Variants in FMN2 observed in about 807,000 individuals in gnomAD.
The protein encoded by FMN2 is formin 2, also known as formin-2.
FMN2 carries 51 observed loss-of-function variants against 142.3 expected under a neutral mutation model. That is an observed-to-expected ratio of 0.36 (90% confidence interval 0.29 to 0.45). The LOEUF (loss-of-function observed/expected upper bound fraction) is 0.45. FMN2 is among the 20% of genes least tolerant of loss of function. FMN2 has a pLI of 1.00. For synonymous variants in FMN2, 882 were observed against 869.8 expected, an observed-to-expected ratio of 1.01 and a Z score of -0.25; for missense variants, 1,936 against 2,122.8, an observed-to-expected ratio of 0.91 and a Z score of 1.73.
chr1:240,131,102 G>A (rs956550032), intron 2 of FMN2, among the ~76,000 whole-genome samples: 1 of 152,266 alleles, frequency 6.6e-6, no homozygotes, highest in East Asian at 1.9e-4. Context: ...TGCAAGCTTA[G>A]GTAAATGGCT....
chr1:240,093,305 G>T lies in FMN2; in HGVS notation c.1196G>T (p.Gly399Val), dbSNP rs775448402. 12 of 1,607,370 alleles carry T rather than the reference G, an allele frequency of 7.5e-6. No homozygotes were observed. The East Asian group carries it at 2.7e-4, about 37-fold the overall frequency. The change falls in exon 1 of 18, where the codon GGC (glycine) becomes GTC (valine). Residue 399 changes from glycine (G) to valine (V), a missense_variant. Physicochemically the swap from Gly to Val is moderately radical, Grantham distance 109. This residue lies in a region of FMN2 where 751 missense variants were observed against 791.8 expected (regional missense o/e 0.95). Coordinates refer to ENST00000319653, the MANE Select transcript of FMN2 (RefSeq NM_020066.5). ...GCCCCCGCGGCCGCTTCCCTGCCCG[G>T]CAGCCCCGCGCCTAGCCAGCGCTGT... ...PDAPAAASLPGSPAPSQRCFK... is the reference protein window; with the variant it reads ...PDAPAAASLPVSPAPSQRCFK...
chr1:240,232,827 C>T (rs1415279992), intron 6 of FMN2, among the ~76,000 whole-genome samples: 3 of 152,134 alleles, frequency 2.0e-5, no homozygotes, highest in Non-Finnish European at 4.4e-5. Flanking sequence ...GTCTACTATA[C>T]ATTTTTTTTC....
chr1:240,202,700 G>A (rs887762476), intron 4 of FMN2, among the ~76,000 whole-genome samples: 2 of 152,094 alleles, frequency 1.3e-5, no homozygotes, highest in Non-Finnish European at 2.9e-5. Flanking sequence ...CTGGCTTCAA[G>A]TGATCCTCCC....
intron 6 of FMN2, among the ~76,000 whole-genome samples, chr1:240,237,412 G>A (rs1341545668): frequency 6.6e-6 from 1 of 152,160 alleles, no homozygotes; most frequent in African/African-American, 2.4e-5. Context: ...GATTTTAAGT[G>A]TCAAGGTCTT....
intron 6 of FMN2, among the ~76,000 whole-genome samples, chr1:240,254,953 C>T (rs1668401116): frequency 6.6e-6 from 1 of 152,108 alleles, no homozygotes; most frequent in Non-Finnish European, 1.5e-5. Context: ...GAACTCAGTG[C>T]GCGCTCCCTC....
chr1:240,275,560 A>G (rs954208358), intron 7 of FMN2, among the ~76,000 whole-genome samples: 5 of 152,014 alleles, frequency 3.3e-5, no homozygotes, highest in African/African-American at 9.7e-5. Flanking sequence ...ATACCTGTGC[A>G]TGTGTGTTTA....
Position 240,093,030 on chromosome 1 carries a change from C to T in FMN2, c.921C>T (p.Leu307=), listed in dbSNP as rs1177064949. Reference sequence around the variant, plus strand: ...TCCCGGTCTCCGAGGCGCCCAGTCTCCCGGCAGCGCAACCCGCGGCCAAAG... The same window carrying T: ...TCCCGGTCTCCGAGGCGCCCAGTCTTCCGGCAGCGCAACCCGCGGCCAAAG... ...GGLPVSEAPS[L]PAAQPAAKDS... The change falls in exon 1 of 18, where the codon CTC becomes CTT. Residue 307 remains leucine, a synonymous_variant. Coordinates refer to ENST00000319653, the MANE Select transcript of FMN2 (RefSeq NM_020066.5). 7.2e-7 allele frequency: 1 copy of T among 1,394,826 alleles called. No homozygotes were observed. Among genetic ancestry groups the T allele is most frequent in the Admixed American group, 3.5e-5 (1 of 28,218 alleles). The allele number at this position is 1,394,826 out of a possible 1,614,324, so 86.4% of individuals were successfully genotyped here.
chr1:240,164,431 CT>C (rs2103298150), intron 2 of FMN2, among the ~76,000 whole-genome samples: 1 of 152,172 alleles, frequency 6.6e-6, no homozygotes, highest in Non-Finnish European at 1.5e-5. Flanking sequence ...TTCATTTAAT[CT>C]TTTTTCTTTG....
rs114907740 is a variant in FMN2, at chr1:240,379,239, G to T, written c.4859-13272G>T. On this transcript the variant is annotated intron_variant, in intron 14 of 17. Transcript: ENST00000319653. The stretch of plus-strand genomic sequence containing the variant: ...CCACTGAGGTCTCCAAGACCATCCT[G>T]TCTCTTGTGATCAGTGACAGCTCTC... 6.2e-3 allele frequency among the ~76,000 whole-genome samples: 949 copies of T among 152,140 alleles called. 10 individuals carry two copies. Among genetic ancestry groups the T allele is most frequent in the African/African-American group, 0.022 (909 of 41,508 alleles).
At chr1:240,408,699 A>AT (rs1041561956) in intron 15 of FMN2, among the ~76,000 whole-genome samples, 1 of 152,066 alleles carries the variant, frequency 6.6e-6, no homozygotes, top group African/African-American at 2.4e-5. Context: ...CCATAAAATT[A>AT]TTTTTTTAAT....
chr1:240,444,715 G>A (rs950041645), intron 16 of FMN2, among the ~76,000 whole-genome samples: 4 of 152,068 alleles, frequency 2.6e-5, no homozygotes, highest in African/African-American at 7.2e-5. Context: ...TTACATTGGC[G>A]AGCCCCTCGT....
chr1:240,270,112 C>A (rs1210092304), intron 7 of FMN2, among the ~76,000 whole-genome samples: 1 of 152,026 alleles, frequency 6.6e-6, no homozygotes, highest in African/African-American at 2.4e-5. Context: ...TGTTTCTGAT[C>A]TTAGAAGAAA....
At chr1:240,258,154 C>A in intron 7 of FMN2, 122 bp downstream of exon 7, 1 of 675,634 alleles carries the variant, frequency 1.5e-6, no homozygotes, top group Non-Finnish European at 2.5e-6. Context: ...AGTATATATC[C>A]CGTAAGTGTG....
At chr1:240,378,802 C>A (rs998183236) in intron 14 of FMN2, among the ~76,000 whole-genome samples, 2 of 152,156 alleles carry the variant, frequency 1.3e-5, no homozygotes, top group African/African-American at 4.8e-5. Context: ...ACAAGTTCCA[C>A]TGAGTTCTTT....
rs774253147 is a variant in FMN2 at position 240,207,300 on chromosome 1, C to A, written c.2488C>A (p.Pro830Thr). The change falls in exon 5 of 18, where the codon CCC (proline) becomes ACC (threonine). Residue 830 changes from proline (P) to threonine (T), a missense_variant. Coordinates refer to ENST00000319653, the MANE Select transcript of FMN2 (RefSeq NM_020066.5). ...GCAAGGACAGCCTGGGTCACAGCCGCCCCATTCTATTTCTACCGAGTTTCA... is the reference window on the plus strand; with the variant it reads ...GCAAGGACAGCCTGGGTCACAGCCGACCCATTCTATTTCTACCGAGTTTCA... ...AGQGQPGSQP[P>T]HSISTEFQTS... 76 of 1,613,750 alleles carry A rather than the reference C, an allele frequency of 4.7e-5. No homozygotes were observed. Among genetic ancestry groups the A allele is most frequent in the Non-Finnish European group, 6.1e-5 (72 of 1,179,872 alleles).
rs1214781170 is a variant in FMN2 at position 240,361,160 on chromosome 1, T to A, written c.4858+5252T>A. Among the ~76,000 whole-genome samples, 20 of 32,798 alleles carry A rather than the reference T, an allele frequency of 6.1e-4. No homozygotes were observed. In the East Asian group the frequency reaches 0.018, roughly 29 times the overall value. 21.5% of individuals were successfully genotyped at this position (32,798 alleles called of 152,430 possible). Reference sequence around the variant, plus strand: ...ATATGTGTATATATATATATATATATATATATATATATATATATATATATA... The same window carrying A: ...ATATGTGTATATATATATATATATAAATATATATATATATATATATATATA... On this transcript the variant is annotated intron_variant, in intron 14 of 17. Transcript: ENST00000319653.
At chr1:240,118,651 G>A (rs1269217426) in intron 1 of FMN2, among the ~76,000 whole-genome samples, 1 of 152,234 alleles carries the variant, frequency 6.6e-6, no homozygotes, top group East Asian at 1.9e-4. Flanking sequence ...TGACCAATAT[G>A]AGGCTGTGAG....
chr1:240,340,542 C>T lies in FMN2; in HGVS notation c.4765+6313C>T, dbSNP rs950780253. ...TTTGCAGTGAGTGAAGATTGTACCA[C>T]TGCACTCCAGCCTGGATGACAGAGC... On this transcript the variant is annotated intron_variant, in intron 13 of 17. Transcript: ENST00000319653. Among the ~76,000 whole-genome samples the T allele has an allele frequency of 3.3e-5, 5 of 152,168 alleles. No individual in the cohort carries two copies. The South Asian group carries it at 1.0e-3, about 32-fold the overall frequency.
At chr1:240,425,752 C>G (rs1480970795) in intron 15 of FMN2, among the ~76,000 whole-genome samples, 5 of 152,186 alleles carry the variant, frequency 3.3e-5, no homozygotes, top group African/African-American at 1.2e-4. Context: ...GCACGTGAAC[C>G]TGAGGGAGAA....
Sources: gnomAD v4.1 joint callset for allele counts (sites outside exome capture counted in the v4.1 genomes callset) on GRCh38, gnomAD v4.1.1 for gene constraint, gnomAD v4.1.1 regional missense constraint, MANE v1.5 for transcripts, NCBI Gene and HGNC (gene_info 2026-07-23, HGNC 2026-07-21) for gene names.